Variants in SGCZ observed in about 807,000 individuals in gnomAD.
SGCZ encodes the protein zeta-sarcoglycan.
SGCZ carries 40 observed loss-of-function variants against 41.3 expected under a neutral mutation model. That is an observed-to-expected ratio of 0.97 (90% CI 0.75 to 1.26). The LOEUF is 1.26. Ranked by LOEUF, SGCZ falls within the 50% of genes most tolerant of loss-of-function variation. The pLI is 0.00. For missense variants in SGCZ, 552 were observed against 369.8 expected (o/e 1.49, Z -4.04); for synonymous variants, 206 against 137.5 (o/e 1.50, Z -3.49).
At chr8:14,797,289 C>G (rs1264560077) in intron 1 of SGCZ, among the ~76,000 whole-genome samples, 4 of 152,094 alleles carry the variant, frequency 2.6e-5, no homozygotes, top group Admixed American at 2.0e-4. Context: ...TGTTGAATGA[C>G]TTGGACCAAA....
intron 2 of SGCZ, among the ~76,000 whole-genome samples, chr8:14,434,750 G>C (rs962221917): frequency 1.1e-4 from 16 of 152,122 alleles, no homozygotes; most frequent in African/African-American, 3.9e-4. Context: ...AAGAAGTTGA[G>C]TTCTTGATTC....
chr8:15,190,690 T>G, intron 1 of SGCZ, among the ~76,000 whole-genome samples: 1 of 149,740 alleles, frequency 6.7e-6, no homozygotes, highest in African/African-American at 2.5e-5. Context: ...TGGGGGGAGG[T>G]GTGCGTGTGT....
At chr8:14,519,335 G>A (rs1487418290) in intron 2 of SGCZ, among the ~76,000 whole-genome samples, 3 of 151,938 alleles carry the variant, frequency 2.0e-5, no homozygotes, top group African/African-American at 7.2e-5. Context: ...TAAAATACAT[G>A]CCATACCAGC....
At chr8:15,029,867 T>C (rs935264311) in intron 1 of SGCZ, among the ~76,000 whole-genome samples, 2 of 152,288 alleles carry the variant, frequency 1.3e-5, no homozygotes, top group Admixed American at 6.5e-5. Context: ...TAATAGATCA[T>C]CTTGAATTAG....
chr8:14,964,230 T>A (rs1801059508), intron 1 of SGCZ, among the ~76,000 whole-genome samples: 1 of 152,186 alleles, frequency 6.6e-6, no homozygotes. Context: ...TTTTCAAGAT[T>A]GCAGCACAAA....
intron 2 of SGCZ, among the ~76,000 whole-genome samples, chr8:14,380,805 G>C (rs370421102): frequency 1.3e-5 from 2 of 152,250 alleles, no homozygotes; most frequent in South Asian, 4.1e-4. Flanking sequence ...CTTGCAGTGA[G>C]TTGAGATCAT....
chr8:14,914,115 A>C (rs1381832654), intron 1 of SGCZ, among the ~76,000 whole-genome samples: 5 of 152,028 alleles, frequency 3.3e-5, no homozygotes, highest in Non-Finnish European at 5.9e-5. Context: ...AGAAATAAAC[A>C]CTTCTAAAGG....
intron 2 of SGCZ, among the ~76,000 whole-genome samples, chr8:14,470,528 C>G (rs935544651): frequency 6.6e-6 from 1 of 151,838 alleles, no homozygotes; most frequent in Non-Finnish European, 1.5e-5. Context: ...TATTTAATTC[C>G]AGACCCAATA....
intron 1 of SGCZ, among the ~76,000 whole-genome samples, chr8:15,105,950 C>A (rs560587023): frequency 8.5e-5 from 13 of 152,216 alleles, no homozygotes; most frequent in African/African-American, 3.1e-4. Flanking sequence ...CATCTTTTCC[C>A]CACTAATTAA....
intron 1 of SGCZ, among the ~76,000 whole-genome samples, chr8:15,196,979 T>C (rs939737822): frequency 6.6e-6 from 1 of 152,214 alleles, no homozygotes; most frequent in South Asian, 2.1e-4. Context: ...TACATGGTGG[T>C]CTCAGAGCAA....
chr8:14,757,523 C>T (rs768859983), intron 1 of SGCZ, among the ~76,000 whole-genome samples: 1 of 152,128 alleles, frequency 6.6e-6, no homozygotes, highest in Non-Finnish European at 1.5e-5. Flanking sequence ...TCAGAGCAGT[C>T]TAGACTCCTG....
intron 4 of SGCZ, among the ~76,000 whole-genome samples, chr8:14,175,420 C>T (rs1268834724): frequency 1.3e-5 from 2 of 151,792 alleles, no homozygotes; most frequent in Non-Finnish European, 2.9e-5. Flanking sequence ...ATAATAATGT[C>T]GTAGTTTGAG....
intron 1 of SGCZ, among the ~76,000 whole-genome samples, chr8:14,961,633 A>C (rs1471059937): frequency 2.0e-5 from 3 of 152,218 alleles, no homozygotes; most frequent in Admixed American, 2.0e-4. Context: ...AACATAGTAC[A>C]TATAGGGTCC....
intron 2 of SGCZ, among the ~76,000 whole-genome samples, chr8:14,356,532 T>A (rs558423019): frequency 6.6e-6 from 1 of 152,254 alleles, no homozygotes; most frequent in African/African-American, 2.4e-5. Context: ...GTAGAACTTG[T>A]TTAACAAAAT....
At chr8:14,483,346 G>T (rs182012252) in intron 2 of SGCZ, among the ~76,000 whole-genome samples, 218 of 152,334 alleles carry the variant, frequency 1.4e-3, no homozygotes, top group African/African-American at 5.1e-3. Flanking sequence ...TAGGCAGGAG[G>T]ATGGCTTGAG....
At chr8:14,725,587 G>T (rs2130206284) in intron 1 of SGCZ, among the ~76,000 whole-genome samples, 1 of 152,224 alleles carries the variant, frequency 6.6e-6, no homozygotes, top group African/African-American at 2.4e-5. Flanking sequence ...TGAGAAGCAA[G>T]GGGCACACAA....
At chr8:14,954,194 A>G (rs1419946601) in intron 1 of SGCZ, among the ~76,000 whole-genome samples, 1 of 152,170 alleles carries the variant, frequency 6.6e-6, no homozygotes, top group African/African-American at 2.4e-5. Flanking sequence ...AAGATTCCTT[A>G]ATTTATTTAT....
chr8:15,014,084 C>G (rs1368552278), intron 1 of SGCZ, among the ~76,000 whole-genome samples: 4 of 152,212 alleles, frequency 2.6e-5, no homozygotes, highest in African/African-American at 9.6e-5. Context: ...GCTCAAACAT[C>G]TCCCTTCTGA....
At chr8:14,346,123 C>T (rs961300244) in intron 2 of SGCZ, among the ~76,000 whole-genome samples, 1 of 151,932 alleles carries the variant, frequency 6.6e-6, no homozygotes, top group Non-Finnish European at 1.5e-5. Context: ...TGTTATGTAT[C>T]AGTATTGACT....
Sources: gnomAD v4.1 joint callset for allele counts (sites outside exome capture counted in the v4.1 genomes callset) on GRCh38, gnomAD v4.1.1 for gene constraint, MANE v1.5 for transcripts, NCBI Gene and HGNC (gene_info 2026-07-23, HGNC 2026-07-21) for gene names.